DAAM2: variants seen among roughly 807,000 people sequenced by gnomAD.
The protein encoded by DAAM2 is disheveled-associated activator of morphogenesis 2.
In DAAM2, 39 loss-of-function variants were observed where a neutral mutation model predicts 120.7. The observed-to-expected ratio is 0.32, with a 90% confidence interval of 0.25 to 0.42. The LOEUF (loss-of-function observed/expected upper bound fraction) is 0.42, where lower values mean the gene tolerates loss of function less well. Among genes scored for constraint, DAAM2 ranks in the 10% least tolerant of loss-of-function variants. The pLI is 1.00. For synonymous variants in DAAM2, 488 were observed against 524.9 expected, an observed-to-expected ratio of 0.93 and a Z score of 0.96; for missense variants, 1,283 against 1,401.7, an observed-to-expected ratio of 0.92 and a Z score of 1.35.
Position 39,902,145 on chromosome 6 carries a change from T to G in DAAM2, c.*108T>G, listed in dbSNP as rs1030089390. ...CCATTTGGTGCTTGGTTTAGAGCCTTGGGCTGGGTCCTGGGATGGGGGGCT... is the reference window on the plus strand; with the variant it reads ...CCATTTGGTGCTTGGTTTAGAGCCTGGGGCTGGGTCCTGGGATGGGGGGCT... On this transcript the variant is annotated 3_prime_UTR_variant, in exon 25 of 25. Transcript: ENST00000274867. 2.0e-6 allele frequency: 2 copies of G among 983,472 alleles called. No homozygotes were observed. Among genetic ancestry groups the G allele is most frequent in the South Asian group, 3.6e-5 (2 of 55,612 alleles). The allele number at this position is 983,472 out of a possible 1,614,324, so 60.9% of individuals were successfully genotyped here. A position where few individuals can be genotyped will look rare whatever the true frequency, so the allele number is the denominator to read the frequency against.
intron 1 of DAAM2, among the ~76,000 whole-genome samples, chr6:39,801,097 A>G (rs1032684888): frequency 6.6e-6 from 1 of 152,214 alleles, no homozygotes. Context: ...GGGAAGATGC[A>G]TGTTAAGTCC....
At chr6:39,894,273 A>G (rs1020224070) in intron 19 of DAAM2, among the ~76,000 whole-genome samples, 15 of 152,220 alleles carry the variant, frequency 9.9e-5, no homozygotes, top group Non-Finnish European at 1.6e-4. Flanking sequence ...TAGCATTTTT[A>G]GGAGGATTCC....
Position 39,875,311 on chromosome 6 carries a change from G to A in DAAM2, c.1163-19G>A. The stretch of plus-strand genomic sequence containing the variant: ...GGACTTCAGGACTCAGGAAAGATAT[G>A]ATACCTGTCATCCCTCAGACAAACG... On this transcript the variant is annotated intron_variant, in intron 10 of 24. Transcript: ENST00000274867. The A allele has an allele frequency of 6.2e-7, 1 of 1,611,482 alleles. No homozygotes were observed. Among genetic ancestry groups the A allele is most frequent in the Non-Finnish European group, 8.5e-7 (1 of 1,178,562 alleles).
At chr6:39,877,883 G>T (rs1478839813) in intron 11 of DAAM2, among the ~76,000 whole-genome samples, 2 of 152,186 alleles carry the variant, frequency 1.3e-5, no homozygotes, top group African/African-American at 4.8e-5. Flanking sequence ...GGAGCCTGAG[G>T]TTCAGTCCTA....
At chr6:39,832,404 T>C (rs1762949048) in intron 1 of DAAM2, among the ~76,000 whole-genome samples, 1 of 151,476 alleles carries the variant, frequency 6.6e-6, no homozygotes, top group Non-Finnish European at 1.5e-5. Context: ...TTTGTCTATC[T>C]GGGAATAACC....
intron 22 of DAAM2, among the ~76,000 whole-genome samples, chr6:39,899,311 CT>C (rs1256865698): frequency 2.0e-5 from 3 of 152,316 alleles, no homozygotes; most frequent in Non-Finnish European, 4.4e-5. Context: ...AAGGTTCTTC[CT>C]TATGTCTCTC....
At chr6:39,816,418 G>T (rs1365074442) in intron 1 of DAAM2, among the ~76,000 whole-genome samples, 1 of 152,082 alleles carries the variant, frequency 6.6e-6, no homozygotes, top group African/African-American at 2.4e-5. Flanking sequence ...GTTGTGGGGG[G>T]GCTATCTTTT....
intron 14 of DAAM2, among the ~76,000 whole-genome samples, chr6:39,880,927 G>A (rs111934891): frequency 2.2e-4 from 33 of 152,320 alleles, no homozygotes; most frequent in African/African-American, 7.2e-4. Flanking sequence ...ACATGAGTAG[G>A]CCAACCGCTC....
chr6:39,873,386 A>T, intron 10 of DAAM2, 31 bp downstream of exon 10: 1 of 1,471,450 alleles, frequency 6.8e-7, no homozygotes. Context: ...GCTTCCCTCG[A>T]CTGGCCTGAA....
chr6:39,864,651 C>T, intron 4 of DAAM2, 144 bp downstream of exon 4: 1 of 685,300 alleles, frequency 1.5e-6, no homozygotes, highest in Non-Finnish European at 2.4e-6. Flanking sequence ...AGTTCAGCAG[C>T]TTTCCAGTTA....
chr6:39,826,236 A>G (rs1762668501), intron 1 of DAAM2, among the ~76,000 whole-genome samples: 1 of 152,006 alleles, frequency 6.6e-6, no homozygotes, highest in South Asian at 2.1e-4. Flanking sequence ...TGGTATAACT[A>G]GTTCAAATAA....
chr6:39,883,819 G>A (rs1765246760), intron 14 of DAAM2, 143 bp from the exon 15 acceptor site: 3 of 635,620 alleles, frequency 4.7e-6, no homozygotes, highest in Non-Finnish European at 8.6e-6. Flanking sequence ...GTTGAGGGGA[G>A]CAACCGACTA....
At chr6:39,882,790 G>T (rs1291871203) in intron 14 of DAAM2, among the ~76,000 whole-genome samples, 1 of 151,982 alleles carries the variant, frequency 6.6e-6, no homozygotes, top group East Asian at 1.9e-4. Flanking sequence ...ATCTGTGTTG[G>T]GGTTGGCCAG....
chr6:39,904,483 T>C lies in DAAM2; in HGVS notation c.*2446T>C, dbSNP rs1766685445. 1 of 454,366 alleles carries C rather than the reference T, an allele frequency of 2.2e-6. No individual in the cohort carries two copies. Among genetic ancestry groups the C allele is most frequent in the African/African-American group, 2.0e-5 (1 of 49,986 alleles). 28.1% of individuals were successfully genotyped at this position (454,366 alleles called of 1,614,324 possible). A position where few individuals can be genotyped will look rare whatever the true frequency, so the allele number is the denominator to read the frequency against. The stretch of plus-strand genomic sequence containing the variant: ...CCCTCCCCACTGCTCCTGCCACCTT[T>C]AGATAAGTTTCTCTAGCTAATTTTG... On this transcript the variant is annotated 3_prime_UTR_variant, in exon 25 of 25. Coordinates refer to ENST00000274867, the MANE Select transcript of DAAM2 (RefSeq NM_001201427.2).
intron 2 of DAAM2, 63 bp from the exon 3 acceptor site, chr6:39,860,865 G>T: frequency 7.6e-7 from 1 of 1,322,482 alleles, no homozygotes; most frequent in Non-Finnish European, 1.1e-6. Context: ...TTCCTGCAGG[G>T]CTGACTATTC....
chr6:39,892,016 A>G (rs979013996), intron 19 of DAAM2, among the ~76,000 whole-genome samples: 3 of 152,196 alleles, frequency 2.0e-5, no homozygotes, highest in Admixed American at 2.0e-4. Flanking sequence ...GGTAGAAAAG[A>G]TAATAATAGC....
chr6:39,794,158 C>T (rs554522561), intron 1 of DAAM2, among the ~76,000 whole-genome samples: 2 of 152,270 alleles, frequency 1.3e-5, no homozygotes, highest in South Asian at 4.1e-4. Context: ...AGGAAATCAT[C>T]CCATAGGCAA....
chr6:39,836,808 AT>A (rs1763119529), intron 1 of DAAM2, among the ~76,000 whole-genome samples: 1 of 152,174 alleles, frequency 6.6e-6, no homozygotes. Flanking sequence ...CATCCTTACT[AT>A]TCTATTTACT....
Position 39,904,325 on chromosome 6 carries a change from C to G in DAAM2, c.*2288C>G, listed in dbSNP as rs566474162. 3.1e-4 allele frequency: 143 copies of G among 456,702 alleles called. No individual in the cohort carries two copies. The highest frequency in any genetic ancestry group is 2.5e-3 in the African/African-American group (123 of 50,188). 28.3% of individuals were successfully genotyped at this position (456,702 alleles called of 1,614,324 possible). On this transcript the variant is annotated 3_prime_UTR_variant, in exon 25 of 25. Transcript: ENST00000274867. ...TGGCCAGTGGCTCTGGTGCTAGATG[C>G]CACTGTAGCCAGATCTCCAACAGTG...
Sources: allele counts gnomAD v4.1 joint callset (sites outside exome capture counted in the v4.1 genomes callset), GRCh38; gene constraint gnomAD v4.1.1; transcripts MANE v1.5; gene names NCBI Gene and HGNC (gene_info 2026-07-23, HGNC 2026-07-21).